NELL1: variants seen among roughly 807,000 people sequenced by gnomAD.
NELL1 encodes the protein protein kinase C-binding protein NELL1.
A neutral mutation model predicts 107.4 loss-of-function variants in NELL1; 76 were observed. The ratio of observed to expected loss-of-function variants is 0.71; its 90% CI spans 0.59 to 0.86. The LOEUF is 0.86. NELL1 is among the 40% of genes least tolerant of loss of function. The probability of loss-of-function intolerance (pLI) is 0.00; values close to 1 mark genes in which losing one functional copy is unlikely to be tolerated. For missense variants in NELL1, 1,024 were observed against 1,005.5 expected (o/e 1.02, Z -0.25); for synonymous variants, 353 against 341.2 (o/e 1.03, Z -0.38).
At chr11:20,844,620 G>A (rs1019369271) in intron 3 of NELL1, among the ~76,000 whole-genome samples, 2 of 152,022 alleles carry the variant, frequency 1.3e-5, no homozygotes, top group Admixed American at 6.6e-5. Flanking sequence ...ACCTGGCAGC[G>A]CCACGTGGCT....
chr11:21,565,977 A>G (rs1295028245), intron 17 of NELL1, among the ~76,000 whole-genome samples: 1 of 151,958 alleles, frequency 6.6e-6, no homozygotes, highest in Non-Finnish European at 1.5e-5. Context: ...CTAATTTCAT[A>G]GTCTATATCA....
At chr11:20,930,122 G>A (rs1283905789) in intron 9 of NELL1, among the ~76,000 whole-genome samples, 1 of 152,154 alleles carries the variant, frequency 6.6e-6, no homozygotes. Flanking sequence ...TCCTTCGGCA[G>A]GTTTGTGTCT....
intron 12 of NELL1, among the ~76,000 whole-genome samples, chr11:21,041,710 T>G (rs1853236621): frequency 6.6e-6 from 1 of 152,222 alleles, no homozygotes; most frequent in South Asian, 2.1e-4. Context: ...TTGATTTAGT[T>G]ATGTTTATTC....
chr11:20,706,252 G>C (rs1425384283), intron 2 of NELL1, among the ~76,000 whole-genome samples: 1 of 152,124 alleles, frequency 6.6e-6, no homozygotes, highest in Non-Finnish European at 1.5e-5. Context: ...CAATAGCAAA[G>C]AGTTGGAACC....
intron 15 of NELL1, among the ~76,000 whole-genome samples, chr11:21,477,209 G>A (rs1590962237): frequency 6.6e-6 from 1 of 152,046 alleles, no homozygotes; most frequent in Non-Finnish European, 1.5e-5. Flanking sequence ...GCCTTTGCTT[G>A]AGGAAAGGAG....
intron 13 of NELL1, among the ~76,000 whole-genome samples, chr11:21,174,112 A>G (rs940798860): frequency 2.0e-5 from 3 of 151,724 alleles, no homozygotes; most frequent in African/African-American, 7.3e-5. Context: ...ACTGGAGCCA[A>G]TATTTTAATC....
At chr11:21,138,632 G>T (rs1468723490) in intron 13 of NELL1, among the ~76,000 whole-genome samples, 2 of 152,156 alleles carry the variant, frequency 1.3e-5, no homozygotes, top group Non-Finnish European at 2.9e-5. Flanking sequence ...AATAAACAAA[G>T]TATGAAATCC....
chr11:21,128,083 G>A (rs535934807), intron 13 of NELL1, among the ~76,000 whole-genome samples: 1 of 152,218 alleles, frequency 6.6e-6, no homozygotes, highest in South Asian at 2.1e-4. Flanking sequence ...ACGGACTCCT[G>A]GAGGGGAGCA....
intron 5 of NELL1, among the ~76,000 whole-genome samples, chr11:20,900,085 T>C (rs140347960): frequency 7.5e-4 from 114 of 152,282 alleles, no homozygotes; most frequent in African/African-American, 2.6e-3. Context: ...GATTTTATTC[T>C]CCATGGGTTC....
intron 13 of NELL1, among the ~76,000 whole-genome samples, chr11:21,201,843 T>C (rs1390952774): frequency 1.3e-5 from 2 of 152,178 alleles, no homozygotes; most frequent in Non-Finnish European, 2.9e-5. Flanking sequence ...TGAAGGGGTA[T>C]TGAATTTTGT....
At chr11:21,278,674 A>C (rs949656886) in intron 14 of NELL1, among the ~76,000 whole-genome samples, 6 of 152,230 alleles carry the variant, frequency 3.9e-5, no homozygotes, top group Non-Finnish European at 7.3e-5. Flanking sequence ...GTTTATGGAT[A>C]GGAAGACTCA....
chr11:21,412,501 C>T (rs1296915884), intron 15 of NELL1, among the ~76,000 whole-genome samples: 4 of 151,932 alleles, frequency 2.6e-5, no homozygotes, highest in Non-Finnish European at 5.9e-5. Context: ...GCAAAATCAC[C>T]CAGTTAATAA....
intron 3 of NELL1, among the ~76,000 whole-genome samples, chr11:20,813,946 ATTAAT>A (rs895133936): frequency 2.7e-4 from 41 of 151,846 alleles, no homozygotes; most frequent in African/African-American, 8.4e-4. Flanking sequence ...TTCAACTTTT[ATTAAT>A]TTAATTTATT....
At chr11:20,794,139 G>C (rs1324690614) in intron 3 of NELL1, among the ~76,000 whole-genome samples, 1 of 152,116 alleles carries the variant, frequency 6.6e-6, no homozygotes, top group Non-Finnish European at 1.5e-5. Context: ...TTAAGGGTCA[G>C]GCTGAAAATG....
At chr11:21,270,921 C>T (rs891745014) in intron 14 of NELL1, among the ~76,000 whole-genome samples, 3 of 151,928 alleles carry the variant, frequency 2.0e-5, no homozygotes, top group Non-Finnish European at 4.4e-5. Context: ...TTTTAAGTAA[C>T]CTATGGGTCA....
At chr11:20,972,290 T>A (rs545433875) in intron 12 of NELL1, among the ~76,000 whole-genome samples, 52 of 152,276 alleles carry the variant, frequency 3.4e-4, no homozygotes, top group African/African-American at 1.2e-3. Flanking sequence ...TTAGTTAAAT[T>A]TGAATATAAT....
At chr11:21,087,028 A>G (rs1333491349) in intron 12 of NELL1, among the ~76,000 whole-genome samples, 1 of 151,952 alleles carries the variant, frequency 6.6e-6, no homozygotes, top group Admixed American at 6.6e-5. Context: ...TTTAGTAGAG[A>G]CAGGGTTTCA....
At chr11:21,293,041 C>G (rs550267277) in intron 14 of NELL1, among the ~76,000 whole-genome samples, 1 of 152,004 alleles carries the variant, frequency 6.6e-6, no homozygotes, top group African/African-American at 2.4e-5. Context: ...ACTCAAACAC[C>G]AAAAACAATG....
chr11:20,731,261 C>A (rs1855632993), intron 2 of NELL1, among the ~76,000 whole-genome samples: 2 of 152,200 alleles, frequency 1.3e-5, no homozygotes, highest in Non-Finnish European at 2.9e-5. Flanking sequence ...AGCTGCAAGG[C>A]TTTAGTGGGC....
Sources: gnomAD v4.1 joint callset for allele counts (sites outside exome capture counted in the v4.1 genomes callset) on GRCh38, gnomAD v4.1.1 for gene constraint, MANE v1.5 for transcripts, NCBI Gene and HGNC (gene_info 2026-07-23, HGNC 2026-07-21) for gene names.